The following FHDC1 variants were observed in gnomAD, a reference collection of about 807,000 sequenced individuals.
FHDC1 encodes FH2 domain containing 1.
A neutral mutation model predicts 52.6 loss-of-function variants in FHDC1; 25 were observed. The ratio of observed to expected loss-of-function variants is 0.48; its 90% CI spans 0.35 to 0.66. The LOEUF (loss-of-function observed/expected upper bound fraction) is 0.66. Ranked by LOEUF, FHDC1 falls within the 30% of genes least tolerant of loss-of-function variation. The probability of loss-of-function intolerance (pLI) is 0.01; values close to 1 mark genes in which losing one functional copy is unlikely to be tolerated. For missense variants in FHDC1, 1,459 were observed against 1,452.8 expected (o/e 1.00, Z -0.07); for synonymous variants, 616 against 581.5 (o/e 1.06, Z -0.85).
intron 4 of FHDC1, among the ~76,000 whole-genome samples, chr4:152,955,557 T>C (rs1740057116): frequency 6.6e-6 from 1 of 152,204 alleles, no homozygotes; most frequent in Non-Finnish European, 1.5e-5. Flanking sequence ...TGATCTCAGC[T>C]CGCTGCAACC....
chr4:152,967,323 A>G (rs897170216), intron 9 of FHDC1, among the ~76,000 whole-genome samples: 1 of 152,094 alleles, frequency 6.6e-6, no homozygotes, highest in Non-Finnish European at 1.5e-5. Flanking sequence ...ACTACTCTGG[A>G]GGCTGAGGCA....
the FHDC1 span, among the ~76,000 whole-genome samples, chr4:152,920,853 TAA>T: frequency 6.8e-6 from 1 of 147,826 alleles, no homozygotes; most frequent in Non-Finnish European, 1.5e-5. Flanking sequence ...AGTGTCTTTT[TAA>T]AAAAAAAAAC....
chr4:152,954,117 G>C, intron 3 of FHDC1, 100 bp from the exon 4 acceptor site: 1 of 949,950 alleles, frequency 1.1e-6, no homozygotes, highest in Non-Finnish European at 1.6e-6. Flanking sequence ...GAAGGAGGTG[G>C]GTGGGAAGGA....
At chr4:152,937,096 C>A (rs1422946471) in intron 1 of FHDC1, among the ~76,000 whole-genome samples, 1 of 152,222 alleles carries the variant, frequency 6.6e-6, no homozygotes, top group Non-Finnish European at 1.5e-5. Context: ...AGGGGTGTCC[C>A]CAGCTCTTGG....
upstream of FHDC1, chr4:152,936,272 C>T (rs962511085): frequency 2.0e-5 from 3 of 152,350 alleles, no homozygotes; most frequent in Non-Finnish European, 4.4e-5. Context: ...GAGGCTGCCG[C>T]TGCGCCCCGC....
chr4:152,969,784 C>T (rs1157235532), intron 10 of FHDC1, among the ~76,000 whole-genome samples: 1 of 151,974 alleles, frequency 6.6e-6, no homozygotes, highest in Non-Finnish European at 1.5e-5. Context: ...AGTCTCCTCC[C>T]TCAGCCTCCT....
At chr4:152,936,167 A>T (rs540273862), upstream of FHDC1, among the ~76,000 whole-genome samples, 88 of 151,946 alleles carry the variant, frequency 5.8e-4, no homozygotes, top group Non-Finnish European at 1.0e-3. Context: ...TGGCGCGCGT[A>T]GGGTGGAAGG....
chr4:152,948,374 T>A (rs550406254), intron 2 of FHDC1, among the ~76,000 whole-genome samples: 4,090 of 152,338 alleles, frequency 0.027, 96 homozygotes, highest in South Asian at 0.11. Context: ...AGGAAGTACT[T>A]AAGTAGCCAG....
chr4:152,917,320 C>T, the FHDC1 span, among the ~76,000 whole-genome samples: 45 of 151,942 alleles, frequency 3.0e-4, no homozygotes, highest in Admixed American at 1.2e-3. Flanking sequence ...AACTTGAGAC[C>T]GCTTAAAAAT....
chr4:152,927,892 G>T, the FHDC1 span: 1 of 1,379,908 alleles, frequency 7.2e-7, no homozygotes, highest in Non-Finnish European at 1.0e-6. Flanking sequence ...AGTTCTCCCA[G>T]GTGAAGCTGT....
intron 9 of FHDC1, 87 bp downstream of exon 9, chr4:152,965,062 A>C (rs1740416791): frequency 1.5e-6 from 2 of 1,292,504 alleles, no homozygotes; most frequent in African/African-American, 1.5e-5. Flanking sequence ...TCCAGTTTGA[A>C]GTCTAAAAGG....
At chr4:152,942,528 G>T (rs149873316) in intron 1 of FHDC1, among the ~76,000 whole-genome samples, 7 of 152,304 alleles carry the variant, frequency 4.6e-5, no homozygotes, top group African/African-American at 1.7e-4. Flanking sequence ...AAAAGGTAGG[G>T]TCACTCATGC....
At chr4:152,958,409 T>A (rs1330862904) in intron 4 of FHDC1, among the ~76,000 whole-genome samples, 1 of 152,228 alleles carries the variant, frequency 6.6e-6, no homozygotes. Flanking sequence ...TTAAAGAACA[T>A]AAATCTCATC....
upstream of FHDC1, among the ~76,000 whole-genome samples, chr4:152,935,004 A>C (rs753087740): frequency 6.6e-6 from 1 of 152,212 alleles, no homozygotes; most frequent in African/African-American, 2.4e-5. Flanking sequence ...TTTGGGATTC[A>C]TATTAGCTCC....
chr4:152,921,553 C>CCTTT, the FHDC1 span, among the ~76,000 whole-genome samples: 1 of 112,880 alleles, frequency 8.9e-6, no homozygotes, highest in African/African-American at 3.2e-5. Flanking sequence ...TTCTTTCCTT[C>CCTTT]CTTCCTTCCT....
Position 152,975,659 on chromosome 4 carries a change from G to C in FHDC1, c.2368G>C (p.Asp790His), listed in dbSNP as rs775250201. The C allele has an allele frequency of 5.6e-6, 9 of 1,613,398 alleles. No individual in the cohort carries two copies. The highest frequency in any genetic ancestry group is 7.6e-6 in the Non-Finnish European group (9 of 1,179,914). Residue 790 changes from aspartate to histidine, a missense_variant, in exon 12 of 12, where the codon GAC (aspartate) becomes CAC (histidine). Physicochemically the swap from Asp to His is moderately conservative, Grantham distance 81 (BLOSUM62 -1). Transcript: ENST00000511601. ...SLTLDCSEGT[D>H]SRPRGGDPEE... ...GACCCTGGACTGCTCAGAGGGAACC[G>C]ACTCCAGACCCAGAGGCGGGGACCC...
At position 152,976,382 on chromosome 4, in the gene FHDC1, C is replaced by A. The variant is rs1392634158; in HGVS notation, c.3091C>A (p.Arg1031Ser). 6 of 1,613,670 alleles carry A rather than the reference C, an allele frequency of 3.7e-6. No homozygotes were observed. The highest frequency in any genetic ancestry group is 5.1e-6 in the Non-Finnish European group (6 of 1,180,042). Reference protein sequence around the residue: ...SVPSVPHELPRVPSFARNTVA... With the variant: ...SVPSVPHELPSVPSFARNTVA... ...GCCCAGCGTCCCCCACGAACTACCCCGTGTCCCGAGCTTTGCCCGGAACAC... is the reference window on the plus strand; with the variant it reads ...GCCCAGCGTCCCCCACGAACTACCCAGTGTCCCGAGCTTTGCCCGGAACAC... The change falls in exon 12 of 12, where the codon CGT (arginine) becomes AGT (serine). Residue 1031 changes from arginine to serine, a missense_variant. Coordinates refer to ENST00000511601, the MANE Select transcript of FHDC1 (RefSeq NM_001371116.1).
At chr4:152,948,207 G>T (rs1739794631) in intron 2 of FHDC1, among the ~76,000 whole-genome samples, 1 of 152,226 alleles carries the variant, frequency 6.6e-6, no homozygotes, top group Non-Finnish European at 1.5e-5. Context: ...GACTTGAAGT[G>T]GGATGGAAAT....
chr4:152,931,951 A>C (rs1739260518), upstream of FHDC1, among the ~76,000 whole-genome samples: 3 of 151,450 alleles, frequency 2.0e-5, no homozygotes, highest in South Asian at 6.2e-4. Context: ...AAAAAAAAAA[A>C]AAAAAAAAAA....
Sources: gnomAD v4.1 joint callset for allele counts (sites outside exome capture counted in the v4.1 genomes callset) on GRCh38, gnomAD v4.1.1 for gene constraint, MANE v1.5 for transcripts, NCBI Gene and HGNC (gene_info 2026-07-23, HGNC 2026-07-21) for gene names.